LHFPL6: variants seen among roughly 807,000 people sequenced by gnomAD.
The protein encoded by LHFPL6 is LHFPL tetraspan subfamily member 6 protein.
In LHFPL6, 9 loss-of-function variants were observed where a neutral mutation model predicts 20.6. That is an observed-to-expected ratio of 0.44 (90% confidence interval 0.26 to 0.76). The LOEUF (loss-of-function observed/expected upper bound fraction) is 0.76, where lower values mean the gene tolerates loss of function less well. LHFPL6 is among the 30% of genes least tolerant of loss of function. The probability of loss-of-function intolerance (pLI) is 0.20; values close to 1 mark genes in which losing one functional copy is unlikely to be tolerated. For synonymous variants in LHFPL6, 105 were observed against 98.7 expected, an observed-to-expected ratio of 1.06 and a Z score of -0.38; for missense variants, 218 against 253.5, an observed-to-expected ratio of 0.86 and a Z score of 0.95.
intron 2 of LHFPL6, among the ~76,000 whole-genome samples, chr13:39,403,770 T>C (rs1566103648): frequency 6.6e-6 from 1 of 152,202 alleles, no homozygotes; most frequent in Non-Finnish European, 1.5e-5. Context: ...AGTATGTGCA[T>C]GGGTAAAAAT....
intron 2 of LHFPL6, among the ~76,000 whole-genome samples, chr13:39,501,790 A>C (rs978147052): frequency 6.6e-6 from 1 of 152,294 alleles, no homozygotes; most frequent in Non-Finnish European, 1.5e-5. Flanking sequence ...TGTGTTCAAA[A>C]GCTTGACAAG....
At chr13:39,493,423 T>C (rs1308391148) in intron 2 of LHFPL6, among the ~76,000 whole-genome samples, 1 of 151,902 alleles carries the variant, frequency 6.6e-6, no homozygotes, top group Non-Finnish European at 1.5e-5. Flanking sequence ...TAACATCAAA[T>C]AATAAAAGAA....
intron 2 of LHFPL6, among the ~76,000 whole-genome samples, chr13:39,441,650 C>T (rs1360971575): frequency 2.0e-5 from 3 of 150,574 alleles, no homozygotes; most frequent in Non-Finnish European, 4.4e-5. Context: ...GTAGCTAGGA[C>T]TACAGGCACA....
chr13:39,490,213 G>A (rs1868874820), intron 2 of LHFPL6, among the ~76,000 whole-genome samples: 1 of 152,116 alleles, frequency 6.6e-6, no homozygotes, highest in African/African-American at 2.4e-5. Context: ...CTAAAACACG[G>A]AATTCCGAAA....
intron 2 of LHFPL6, among the ~76,000 whole-genome samples, chr13:39,566,731 T>C (rs1434623430): frequency 1.4e-5 from 1 of 70,088 alleles, no homozygotes; most frequent in Non-Finnish European, 2.6e-5. Flanking sequence ...AGACCCTGTC[T>C]AAAAAAAAAA....
At chr13:39,499,527 C>G (rs1367356840) in intron 2 of LHFPL6, among the ~76,000 whole-genome samples, 1 of 152,012 alleles carries the variant, frequency 6.6e-6, no homozygotes, top group Non-Finnish European at 1.5e-5. Flanking sequence ...CATGCCCACT[C>G]TCAGTCCACG....
intron 2 of LHFPL6, among the ~76,000 whole-genome samples, chr13:39,423,457 C>G (rs1871549341): frequency 6.6e-6 from 1 of 151,704 alleles, no homozygotes; most frequent in Non-Finnish European, 1.5e-5. Context: ...AAGTGTCACT[C>G]TTGTTGCCCA....
intron 2 of LHFPL6, among the ~76,000 whole-genome samples, chr13:39,422,000 T>G (rs1408178): frequency 0.92 from 140,249 of 152,198 alleles, 65,748 homozygotes; most frequent in East Asian, 1. Flanking sequence ...TTGGTTTGGG[T>G]TTTTTATTGT....
chr13:39,378,392 T>C, intron 3 of LHFPL6, 36 bp downstream of exon 3: 1 of 1,557,948 alleles, frequency 6.4e-7, no homozygotes, highest in Non-Finnish European at 8.9e-7. Flanking sequence ...TAAGGTTCTT[T>C]TTCTAAAAGG....
chr13:39,505,277 C>T (rs1236121406), intron 2 of LHFPL6, among the ~76,000 whole-genome samples: 4 of 152,042 alleles, frequency 2.6e-5, no homozygotes, highest in Non-Finnish European at 4.4e-5. Context: ...TTCTAGAGAG[C>T]GGAATCGGAG....
chr13:39,593,934 T>A (rs1872689642), intron 2 of LHFPL6, among the ~76,000 whole-genome samples: 2 of 152,282 alleles, frequency 1.3e-5, no homozygotes, highest in South Asian at 2.1e-4. Context: ...TGAAACTGGA[T>A]CCCTTCCTTA....
chr13:39,524,626 T>G (rs1344171588), intron 2 of LHFPL6, among the ~76,000 whole-genome samples: 2 of 152,232 alleles, frequency 1.3e-5, no homozygotes, highest in African/African-American at 4.8e-5. Context: ...AAAACCCCTG[T>G]CTTCTTTTAG....
rs528917313 is a variant in LHFPL6 at position 39,519,428 on chromosome 13, G to C, written c.385+81404C>G. ...CCTCAAATAATGCTGATGCTGACCA[G>C]GTCAGCATTAATGTCCCAGATCACT... is the stretch of plus-strand genomic sequence containing the variant. On this transcript the variant is annotated intron_variant, in intron 2 of 3. Transcript: ENST00000379589. Among the ~76,000 whole-genome samples, 4 of 152,070 alleles carry C rather than the reference G, an allele frequency of 2.6e-5. No homozygotes were observed. In the South Asian group the frequency reaches 6.2e-4, roughly 24 times the overall value.
chr13:39,378,147 C>T (rs1046471554), intron 3 of LHFPL6, among the ~76,000 whole-genome samples: 1 of 152,132 alleles, frequency 6.6e-6, no homozygotes, highest in Non-Finnish European at 1.5e-5. Context: ...GTAAAAAATA[C>T]ATGATTTTGA....
chr13:39,573,930 G>T (rs1219652355), intron 2 of LHFPL6, among the ~76,000 whole-genome samples: 1 of 151,874 alleles, frequency 6.6e-6, no homozygotes, highest in African/African-American at 2.4e-5. Flanking sequence ...TTTACATACG[G>T]GTCCAAGGCA....
intron 2 of LHFPL6, among the ~76,000 whole-genome samples, chr13:39,534,045 T>G (rs937585314): frequency 6.6e-6 from 1 of 152,138 alleles, no homozygotes; most frequent in Admixed American, 6.5e-5. Context: ...TGGCATAAGT[T>G]CTGTAGAAAG....
chr13:39,374,015 C>T (rs138408715), intron 3 of LHFPL6, among the ~76,000 whole-genome samples: 8 of 152,280 alleles, frequency 5.3e-5, no homozygotes, highest in African/African-American at 1.9e-4. Context: ...CCAGCAATCC[C>T]ATTACTGGAT....
At chr13:39,374,571 C>T (rs1057497920) in intron 3 of LHFPL6, among the ~76,000 whole-genome samples, 4 of 152,030 alleles carry the variant, frequency 2.6e-5, no homozygotes, top group African/African-American at 9.7e-5. Flanking sequence ...TCTATTGGGG[C>T]CATCTATCTT....
intron 2 of LHFPL6, among the ~76,000 whole-genome samples, chr13:39,437,852 G>C (rs369437188): frequency 2.6e-4 from 39 of 151,474 alleles, no homozygotes; most frequent in African/African-American, 9.2e-4. Context: ...CAGTGAGCTG[G>C]GATTGCGCCA....
Sources: gnomAD v4.1 joint callset for allele counts (sites outside exome capture counted in the v4.1 genomes callset) on GRCh38, gnomAD v4.1.1 for gene constraint, MANE v1.5 for transcripts, NCBI Gene and HGNC (gene_info 2026-07-23, HGNC 2026-07-21) for gene names.